Variants in CSPG4 observed in about 807,000 individuals in gnomAD.
The protein encoded by CSPG4 is chondroitin sulfate proteoglycan 4 (melanoma-associated).
CSPG4 carries 74 observed loss-of-function variants against 139.3 expected under a neutral mutation model. The observed-to-expected ratio is 0.53, with a 90% confidence interval of 0.44 to 0.64. The LOEUF is 0.64. Ranked by LOEUF, CSPG4 falls within the 30% of genes least tolerant of loss-of-function variation. CSPG4 has a pLI of 0.00. For missense variants in CSPG4, 2,565 were observed against 3,148.3 expected (o/e 0.81, Z 4.43); for synonymous variants, 1,234 against 1,394.2 (o/e 0.89, Z 2.56).
At position 75,676,898 on chromosome 15, in the gene CSPG4, C is replaced by T. The variant is rs1042770461; in HGVS notation, c.5621G>A (p.Arg1874Gln). ...APGEIEYEVQ[R>Q]APHNGFLSLV... is the part of the protein sequence containing the mutation. ...GCTGAGGAAGCCGTTGTGGGGTGCCCGCTGGACCTCGTACTCAATCTCCCC... is the reference window on the plus strand; with the variant it reads ...GCTGAGGAAGCCGTTGTGGGGTGCCTGCTGGACCTCGTACTCAATCTCCCC... Residue 1874 changes from arginine to glutamine, a missense_variant, in exon 10 of 10, where the codon CGG becomes CAG. Coordinates refer to ENST00000308508, the MANE Select transcript of CSPG4 (RefSeq NM_001897.5). 1.1e-5 allele frequency: 18 copies of T among 1,581,342 alleles called. No individual in the cohort carries two copies. The highest frequency in any genetic ancestry group is 3.4e-5 in the South Asian group (3 of 87,842).
chr15:75,685,891 C>T (rs879445934), intron 3 of CSPG4, among the ~76,000 whole-genome samples, 190 bp from the exon 4 acceptor site: 7 of 152,124 alleles, frequency 4.6e-5, no homozygotes, highest in Non-Finnish European at 1.0e-4. Context: ...CAGCTGGTCA[C>T]ATTTTTTGTT....
chr15:75,701,050 T>C (rs1381183721), intron 1 of CSPG4, among the ~76,000 whole-genome samples: 6 of 152,008 alleles, frequency 3.9e-5, no homozygotes, highest in Non-Finnish European at 8.8e-5. Context: ...AGTGTCCCCA[T>C]CTGTAAAAGG....
chr15:75,681,775 G>C (rs1018948931), intron 8 of CSPG4, among the ~76,000 whole-genome samples: 1 of 152,212 alleles, frequency 6.6e-6, no homozygotes, highest in Non-Finnish European at 1.5e-5. Flanking sequence ...CGGATGAACA[G>C]CAGCTTCACC....
rs143844191 is a variant in CSPG4, at chr15:75,677,844, C to A, written c.4993G>T (p.Glu1665Ter). 2 of 1,612,250 alleles carry A rather than the reference C, an allele frequency of 1.2e-6. No individual in the cohort carries two copies. Among genetic ancestry groups the A allele is most frequent in the African/African-American group, 2.7e-5 (2 of 74,774 alleles). The change falls in exon 9 of 10, where the codon GAG (glutamate) becomes TAG (stop). Residue 1665 changes from glutamate to a stop codon, truncating the protein, a stop_gained. Transcript: ENST00000308508. LOFTEE classifies it high-confidence loss of function. ...NILYEHEMPP[E>*]PFWEAHDTLE... ...GTATCATGGGCCTCCCAAAAGGGCT[C>A]GGGGGGCATCTCATGCTCATACAGA...
chr15:75,689,443 A>C lies in CSPG4; in HGVS notation c.1622T>G (p.Leu541Arg). Residue 541 changes from leucine to arginine, a missense_variant, in exon 3 of 10, where the codon CTC becomes CGC. By Grantham distance (102) the Leu-to-Arg change is moderately radical (BLOSUM62 -2). Transcript: ENST00000308508. ...GACAGGGTTGACCTGGATGGGCAGG[A>C]GGTATGTTTGGCCCCTCCGAAGGCA... ...PSCLRRGQTYLLPIQVNPVND... is the reference protein window; with the variant it reads ...PSCLRRGQTYRLPIQVNPVND... The C allele has an allele frequency of 1.2e-6, 2 of 1,612,610 alleles. No homozygotes were observed. The highest frequency in any genetic ancestry group is 2.2e-5 in the South Asian group (2 of 91,060).
intron 1 of CSPG4, among the ~76,000 whole-genome samples, chr15:75,705,355 T>C (rs181115498): frequency 6.6e-6 from 1 of 152,354 alleles, no homozygotes; most frequent in African/African-American, 2.4e-5. Context: ...TCTAGGCCTT[T>C]GCCTCGGAAT....
In CSPG4 at chr15:75,690,891, C is replaced by T. The variant is rs141795163; in HGVS notation, c.253-79G>A. 83 of 1,471,442 alleles carry T rather than the reference C, an allele frequency of 5.6e-5. No homozygotes were observed. The East Asian group carries it at 1.5e-3, about 27-fold the overall frequency. The allele number at this position is 1,471,442 out of a possible 1,614,324, so 91.1% of individuals were successfully genotyped here. A position where few individuals can be genotyped will look rare whatever the true frequency, so the allele number is the denominator to read the frequency against. On this transcript the variant is annotated intron_variant, in intron 2 of 9. Transcript: ENST00000308508. ...TCCCTTATAAAAGCATAGAGCCGGG[C>T]GTGATTGCAGTGGTGGCTCATGCCT... is the stretch of plus-strand genomic sequence containing the variant.
In CSPG4 at chr15:75,677,702, C is replaced by A; in HGVS notation, c.5134+1G>T. On this transcript the variant is annotated splice_donor_variant, in intron 9 of 9. Coordinates refer to ENST00000308508, the MANE Select transcript of CSPG4 (RefSeq NM_001897.5). LOFTEE classifies it high-confidence loss of function. Reference sequence around the variant, plus strand: ...TCTTGCCAGCTTATCATGCTGTTCACCTTTGTTCTTCCAGAGGTGGCTGGG... The same window carrying A: ...TCTTGCCAGCTTATCATGCTGTTCAACTTTGTTCTTCCAGAGGTGGCTGGG... The A allele has an allele frequency of 6.3e-7, 1 of 1,599,702 alleles. No individual in the cohort carries two copies. Among genetic ancestry groups the A allele is most frequent in the Non-Finnish European group, 8.5e-7 (1 of 1,173,808 alleles).
rs1344616511 is a variant in CSPG4, at chr15:75,688,597, T to C, written c.2468A>G (p.Tyr823Cys). 6.2e-7 allele frequency: 1 copy of C among 1,612,958 alleles called. No individual in the cohort carries two copies. ...TTTCCTGGGAGCCTGAACCACCTCA[T>C]AATGGAAGGTTGGGGGGCTTGGGCC... ...EAGPSPPTFHYEVVQAPRKGN... is the reference protein window; with the variant it reads ...EAGPSPPTFHCEVVQAPRKGN... Residue 823 changes from tyrosine to cysteine, a missense_variant, in exon 3 of 10, where the codon TAT (tyrosine) becomes TGT (cysteine). Transcript: ENST00000308508.
chr15:75,712,633 C>G (rs1379307286), intron 1 of CSPG4, 35 bp downstream of exon 1: 1 of 1,542,316 alleles, frequency 6.5e-7, no homozygotes, highest in Non-Finnish European at 8.8e-7. Flanking sequence ...TCTAGTTCCG[C>G]CAGGCTGGGT....
rs149747569 is a variant in CSPG4, at chr15:75,683,996, C to T, written c.4449+740G>A. ...GCGGCTTCCGCACCACCAGGCCACCCGCTACGGGCACATCCTAGACCACCA... is the reference window on the plus strand; with the variant it reads ...GCGGCTTCCGCACCACCAGGCCACCTGCTACGGGCACATCCTAGACCACCA... On this transcript the variant is annotated intron_variant, in intron 5 of 9. Transcript: ENST00000308508. 3.7e-4 allele frequency among the ~76,000 whole-genome samples: 57 copies of T among 152,268 alleles called. No individual in the cohort carries two copies. In the East Asian group the frequency reaches 9.3e-3, roughly 25 times the overall value.
In CSPG4 at chr15:75,688,801, G is replaced by A; in HGVS notation, c.2264C>T (p.Thr755Ile). The change falls in exon 3 of 10, where the codon ACC becomes ATC. Residue 755 changes from threonine to isoleucine, a missense_variant. By Grantham distance (89) the Thr-to-Ile change is moderately conservative. This residue lies in a region of CSPG4 where 2,316 missense variants were observed against 2,818.2 expected (regional missense o/e 0.82). Transcript: ENST00000308508. ...STDPQHHAYD[T>I]VENLALEVQV... ...CACCTCCAGGGCCAGGTTCTCCACG[G>A]TGTCGTAAGCGTGGTGCTGTGGGTC... The A allele has an allele frequency of 1.2e-6, 2 of 1,612,884 alleles. No homozygotes were observed. Among genetic ancestry groups the A allele is most frequent in the East Asian group, 4.5e-5 (2 of 44,880 alleles).
intron 1 of CSPG4, among the ~76,000 whole-genome samples, chr15:75,694,274 A>C (rs1228884736): frequency 6.6e-6 from 1 of 152,122 alleles, no homozygotes; most frequent in Admixed American, 6.5e-5. Flanking sequence ...TCCTCTTTTG[A>C]ATTGCTGCTT....
rs4886454 is a variant in CSPG4, at chr15:75,690,983, T to C, written c.253-171A>G. Among the ~76,000 whole-genome samples the C allele has an allele frequency of 4.7e-3, 713 of 152,322 alleles. 24 individuals carry two copies. The East Asian group carries it at 0.094, about 20-fold the overall frequency. Reference sequence around the variant, plus strand: ...TGAGGTTAGGAGTTTGAGACCAGCCTGGCCAACATGGAGAAACCCTGTCTC... The same window carrying C: ...TGAGGTTAGGAGTTTGAGACCAGCCCGGCCAACATGGAGAAACCCTGTCTC... On this transcript the variant is annotated intron_variant, in intron 2 of 9. Coordinates refer to ENST00000308508, the MANE Select transcript of CSPG4 (RefSeq NM_001897.5).
chr15:75,687,218 G>A lies in CSPG4; in HGVS notation c.3789+58C>T, dbSNP rs1216818732. On this transcript the variant is annotated intron_variant, in intron 3 of 9. Coordinates refer to ENST00000308508, the MANE Select transcript of CSPG4 (RefSeq NM_001897.5). The surrounding 1 kb of genome is among the most constrained non-coding windows in gnomAD (Gnocchi z 5.4). Reference sequence around the variant, plus strand: ...AGTCACGTGTGTTCCTGGCATGGAGGCTGGGAGAAGGCCCTCTACCTGGCC... The same window carrying A: ...AGTCACGTGTGTTCCTGGCATGGAGACTGGGAGAAGGCCCTCTACCTGGCC... The A allele has an allele frequency of 8.2e-6, 13 of 1,589,722 alleles. No homozygotes were observed. In the Admixed American group the frequency reaches 2.2e-4, roughly 27 times the overall value.
At chr15:75,702,135 C>T (rs973024139) in intron 1 of CSPG4, among the ~76,000 whole-genome samples, 4 of 152,226 alleles carry the variant, frequency 2.6e-5, no homozygotes, top group Non-Finnish European at 4.4e-5. Flanking sequence ...CTCCCATTGC[C>T]CCAGGGTCAG....
chr15:75,677,481 C>G (rs754484058), intron 9 of CSPG4, 97 bp from the exon 10 acceptor site: 280 of 1,325,214 alleles, frequency 2.1e-4, no homozygotes, highest in Middle Eastern at 1.2e-3. Flanking sequence ...GTGCCTCCCC[C>G]CAACCATCAA....
intron 2 of CSPG4, among the ~76,000 whole-genome samples, chr15:75,691,954 C>A (rs1467925343): frequency 3.9e-5 from 6 of 152,146 alleles, no homozygotes; most frequent in Non-Finnish European, 5.9e-5. Flanking sequence ...GTCCTCTCCC[C>A]ATGGGGTGTG....
At chr15:75,695,507 C>T (rs892806411) in intron 1 of CSPG4, among the ~76,000 whole-genome samples, 1 of 152,178 alleles carries the variant, frequency 6.6e-6, no homozygotes, top group Non-Finnish European at 1.5e-5. Flanking sequence ...CAGGCAGCCC[C>T]CCACCCCAAC....
Sources: allele counts gnomAD v4.1 joint callset (sites outside exome capture counted in the v4.1 genomes callset), GRCh38; gene constraint gnomAD v4.1.1; regional missense constraint gnomAD v4.1.1; non-coding constraint Gnocchi (gnomAD v3.1); transcripts MANE v1.5; gene names NCBI Gene and HGNC (gene_info 2026-07-23, HGNC 2026-07-21).